Variants in GRID1 observed in about 807,000 individuals in gnomAD.
GRID1 encodes glutamate ionotropic receptor delta type subunit 1.
GRID1 carries 28 observed loss-of-function variants against 98.0 expected under a neutral mutation model. The observed-to-expected ratio is 0.29, with a 90% CI of 0.21 to 0.39. The LOEUF (loss-of-function observed/expected upper bound fraction) is 0.39. Among genes scored for constraint, GRID1 ranks in the 10% least tolerant of loss-of-function variants. The probability of loss-of-function intolerance (pLI) is 1.00; values close to 1 mark genes in which losing one functional copy is unlikely to be tolerated. For synonymous variants in GRID1, 553 were observed against 538.5 expected, an observed-to-expected ratio of 1.03 and a Z score of -0.37; for missense variants, 1,111 against 1,340.5, an observed-to-expected ratio of 0.83 and a Z score of 2.67.
intron 4 of GRID1, among the ~76,000 whole-genome samples, chr10:86,044,138 G>A (rs755805402): frequency 4.2e-4 from 64 of 152,308 alleles, no homozygotes; most frequent in Non-Finnish European, 6.0e-4. Flanking sequence ...GTCAGGAAAT[G>A]AACTACACTG....
At chr10:86,040,789 G>A (rs1425003011) in intron 4 of GRID1, among the ~76,000 whole-genome samples, 2 of 152,180 alleles carry the variant, frequency 1.3e-5, no homozygotes, top group African/African-American at 4.8e-5. Context: ...TAAGGTGATG[G>A]ATATGCTAAT....
chr10:86,310,338 G>C (rs1422188289), intron 2 of GRID1, among the ~76,000 whole-genome samples: 2 of 152,114 alleles, frequency 1.3e-5, no homozygotes, highest in East Asian at 1.9e-4. Flanking sequence ...GCTCAGGACA[G>C]AGCCACACTG....
At position 85,649,457 on chromosome 10, in the gene GRID1, G is replaced by A. The variant is rs73326603; in HGVS notation, c.1998-2060C>T. 5.3e-3 allele frequency among the ~76,000 whole-genome samples: 805 copies of A among 151,628 alleles called. 11 individuals are homozygous for A. Among genetic ancestry groups the A allele is most frequent in the African/African-American group, 0.018 (755 of 41,400 alleles). ...GGGCCCCAAGGGTTGTAACTCTGCC[G>A]TAATTTGCCTGTAATGAAAGGAGGG... On this transcript the variant is annotated intron_variant, in intron 12 of 15. Coordinates refer to ENST00000327946, the MANE Select transcript of GRID1 (RefSeq NM_017551.3).
chr10:85,773,875 A>G (rs1490826584), intron 8 of GRID1, among the ~76,000 whole-genome samples: 1 of 152,230 alleles, frequency 6.6e-6, no homozygotes, highest in Non-Finnish European at 1.5e-5. Flanking sequence ...GGAAGAATCA[A>G]TATCATGAAA....
chr10:85,658,960 G>T (rs1840933795), intron 12 of GRID1, among the ~76,000 whole-genome samples: 1 of 152,190 alleles, frequency 6.6e-6, no homozygotes, highest in Non-Finnish European at 1.5e-5. Flanking sequence ...AATACTTAGA[G>T]GATTGTTATA....
chr10:86,060,339 G>A (rs1843631824), intron 4 of GRID1, among the ~76,000 whole-genome samples: 1 of 152,212 alleles, frequency 6.6e-6, no homozygotes, highest in Non-Finnish European at 1.5e-5. Flanking sequence ...ATTAGGAGAT[G>A]TTCTGTATTC....
intron 8 of GRID1, among the ~76,000 whole-genome samples, chr10:85,747,986 G>C (rs1842012869): frequency 6.6e-6 from 1 of 152,158 alleles, no homozygotes; most frequent in African/African-American, 2.4e-5. Context: ...AAGAGAAAAT[G>C]ATCAGTACAT....
chr10:85,706,218 G>A (rs1026507347), intron 12 of GRID1, among the ~76,000 whole-genome samples: 15 of 152,134 alleles, frequency 9.9e-5, no homozygotes, highest in African/African-American at 1.4e-4. Context: ...AAACCGCATC[G>A]TCTCAGCCCA....
At chr10:86,208,278 G>C (rs1024551453) in intron 2 of GRID1, among the ~76,000 whole-genome samples, 15 of 152,210 alleles carry the variant, frequency 9.9e-5, no homozygotes, top group Non-Finnish European at 2.9e-5. Flanking sequence ...CCACCGGCAG[G>C]GGGTAGCTAA....
intron 2 of GRID1, among the ~76,000 whole-genome samples, chr10:86,214,341 C>T (rs866453295): frequency 1.3e-5 from 2 of 152,218 alleles, no homozygotes; most frequent in African/African-American, 2.4e-5. Flanking sequence ...ACTTCTGCTA[C>T]GTCTGTCTGG....
At chr10:86,092,254 G>A (rs558031286) in intron 4 of GRID1, among the ~76,000 whole-genome samples, 16 of 152,272 alleles carry the variant, frequency 1.1e-4, no homozygotes, top group African/African-American at 3.4e-4. Context: ...GAAATGAAGG[G>A]AGAAGTATTC....
In GRID1 at chr10:86,233,617, C is replaced by A. The variant is rs114098490; in HGVS notation, c.236-26969G>T. On this transcript the variant is annotated intron_variant, in intron 2 of 15. Coordinates refer to ENST00000327946, the MANE Select transcript of GRID1 (RefSeq NM_017551.3). ...AGTGGTGGTGGTAGAGGAGGTCACC[C>A]CTCCTTCCCTCCAGAGGGAACAACT... is the stretch of plus-strand genomic sequence containing the variant. Among the ~76,000 whole-genome samples the A allele has an allele frequency of 5.9e-3, 897 of 152,286 alleles. 7 individuals carry two copies. Among genetic ancestry groups the A allele is most frequent in the African/African-American group, 0.021 (860 of 41,558 alleles).
At chr10:86,119,053 T>C (rs955220138) in intron 4 of GRID1, among the ~76,000 whole-genome samples, 1 of 152,100 alleles carries the variant, frequency 6.6e-6, no homozygotes, top group Non-Finnish European at 1.5e-5. Context: ...TAAGAAAATA[T>C]AGGCCGGGCA....
chr10:86,350,391 G>A (rs932432253), intron 2 of GRID1, among the ~76,000 whole-genome samples: 7 of 152,212 alleles, frequency 4.6e-5, no homozygotes, highest in Admixed American at 3.9e-4. Flanking sequence ...AGGGGGACAC[G>A]GGGAAGTGAC....
chr10:86,264,923 C>T (rs1847081205), intron 2 of GRID1: 13 of 372,200 alleles, frequency 3.5e-5, no homozygotes, highest in South Asian at 2.6e-4. Context: ...CCCCGGCCCC[C>T]AGGAAACTCT....
At chr10:86,285,180 T>C (rs999252732) in intron 2 of GRID1, among the ~76,000 whole-genome samples, 2 of 149,134 alleles carry the variant, frequency 1.3e-5, no homozygotes, top group African/African-American at 5.0e-5. Context: ...CCAGCACCAG[T>C]AGTGTCAGAC....
chr10:85,730,251 G>A (rs531310822), intron 8 of GRID1, among the ~76,000 whole-genome samples: 3 of 152,322 alleles, frequency 2.0e-5, no homozygotes, highest in Non-Finnish European at 4.4e-5. Flanking sequence ...AATAGCCAGA[G>A]GCATCTCTGA....
intron 2 of GRID1, among the ~76,000 whole-genome samples, chr10:86,352,902 G>A (rs1412827361): frequency 6.6e-6 from 1 of 152,118 alleles, no homozygotes; most frequent in African/African-American, 2.4e-5. Flanking sequence ...AGATGCTACA[G>A]GGGACACTGA....
At chr10:85,779,163 G>A (rs1416702645) in intron 8 of GRID1, among the ~76,000 whole-genome samples, 2 of 152,228 alleles carry the variant, frequency 1.3e-5, no homozygotes, top group African/African-American at 4.8e-5. Context: ...TGCCTGTCAA[G>A]GAAGGAAAAT....
Sources: allele counts gnomAD v4.1 joint callset (sites outside exome capture counted in the v4.1 genomes callset), GRCh38; gene constraint gnomAD v4.1.1; transcripts MANE v1.5; gene names NCBI Gene and HGNC (gene_info 2026-07-23, HGNC 2026-07-21).